Variants in AGBL1 observed in about 807,000 individuals in gnomAD.
AGBL1 encodes the protein AGBL carboxypeptidase 1.
Under a neutral mutation model 118.9 loss-of-function variants are expected in AGBL1, and 130 were observed. The ratio of observed to expected loss-of-function variants is 1.09; its 90% CI spans 0.95 to 1.26. The LOEUF is 1.26. Ranked by LOEUF, AGBL1 falls within the 50% of genes most tolerant of loss-of-function variation. AGBL1 has a pLI of 0.00. For missense variants in AGBL1, 1,584 were observed against 1,298.1 expected (o/e 1.22, Z -3.38); for synonymous variants, 555 against 478.9 (o/e 1.16, Z -2.08).
intron 18 of AGBL1, among the ~76,000 whole-genome samples, chr15:86,446,415 A>G (rs1372210390): frequency 1.3e-5 from 2 of 152,224 alleles, no homozygotes; most frequent in Non-Finnish European, 2.9e-5. Context: ...TGGCATAGCA[A>G]GCTGTATTAG....
chr15:86,727,039 T>G (rs2086831171), intron 22 of AGBL1, among the ~76,000 whole-genome samples: 1 of 152,078 alleles, frequency 6.6e-6, no homozygotes, highest in African/African-American at 2.4e-5. Context: ...GCAGAACACG[T>G]TTAAACTCCC....
chr15:86,517,108 T>C (rs1031535447), intron 18 of AGBL1, among the ~76,000 whole-genome samples: 13 of 152,210 alleles, frequency 8.5e-5, no homozygotes, highest in East Asian at 7.7e-4. Context: ...TGGGCAAGTA[T>C]GTAAGTGGGA....
At chr15:86,247,956 C>T in intron 7 of AGBL1, 77 bp downstream of exon 7, 1 of 1,527,038 alleles carries the variant, frequency 6.5e-7, no homozygotes, top group Non-Finnish European at 9.0e-7. Flanking sequence ...AGGAATCATC[C>T]CAGATAGAGC....
chr15:86,891,669 G>C (rs1424682705), intron 22 of AGBL1, among the ~76,000 whole-genome samples: 1 of 151,860 alleles, frequency 6.6e-6, no homozygotes, highest in Non-Finnish European at 1.5e-5. Flanking sequence ...CATTGGTAAA[G>C]TGAAAAACTG....
At chr15:86,754,899 C>G (rs535733957) in intron 22 of AGBL1, among the ~76,000 whole-genome samples, 1 of 152,200 alleles carries the variant, frequency 6.6e-6, no homozygotes, top group South Asian at 2.1e-4. Flanking sequence ...CCCCTTATCC[C>G]TTCTCTCTCA....
chr15:86,816,057 G>A (rs1331474460), intron 22 of AGBL1, among the ~76,000 whole-genome samples: 1 of 152,174 alleles, frequency 6.6e-6, no homozygotes, highest in Non-Finnish European at 1.5e-5. Flanking sequence ...TAAGGACACA[G>A]TAAGAAGATA....
chr15:86,763,172 A>G (rs766576018), intron 22 of AGBL1, among the ~76,000 whole-genome samples: 4 of 152,044 alleles, frequency 2.6e-5, no homozygotes, highest in Non-Finnish European at 5.9e-5. Context: ...AACAACAACA[A>G]AAACTATAAC....
intron 18 of AGBL1, among the ~76,000 whole-genome samples, chr15:86,490,718 T>C (rs900201208): frequency 6.6e-6 from 1 of 152,104 alleles, no homozygotes; most frequent in Non-Finnish European, 1.5e-5. Flanking sequence ...AGTGACTTCA[T>C]GATTAAAGTG....
intron 17 of AGBL1, among the ~76,000 whole-genome samples, chr15:86,342,663 G>A (rs898440953): frequency 3.9e-5 from 6 of 152,096 alleles, no homozygotes; most frequent in African/African-American, 4.8e-5. Context: ...TTAGATCTCC[G>A]ATCTGCCCCA....
intron 22 of AGBL1, among the ~76,000 whole-genome samples, chr15:86,755,681 C>T (rs142056010): frequency 1.5e-3 from 234 of 152,222 alleles, no homozygotes; most frequent in African/African-American, 5.4e-3. Flanking sequence ...TGCCTCTGTT[C>T]CTTCATGTAC....
intron 22 of AGBL1, among the ~76,000 whole-genome samples, chr15:86,886,299 A>C (rs2079970127): frequency 6.6e-6 from 1 of 152,368 alleles, no homozygotes; most frequent in Middle Eastern, 3.4e-3. Flanking sequence ...TTGAAGTTAT[A>C]GCAAGTTATT....
At chr15:86,292,655 A>G (rs1370724600) in intron 16 of AGBL1, among the ~76,000 whole-genome samples, 1 of 152,128 alleles carries the variant, frequency 6.6e-6, no homozygotes, top group Non-Finnish European at 1.5e-5. Context: ...GCCTGGCTTA[A>G]AGGCAGATAT....
At chr15:86,673,074 A>G (rs1175531176) in intron 21 of AGBL1, among the ~76,000 whole-genome samples, 2 of 152,196 alleles carry the variant, frequency 1.3e-5, no homozygotes, top group East Asian at 1.9e-4. Flanking sequence ...GTGAAAATCT[A>G]TTCATAAAAA....
chr15:86,470,313 A>G (rs141509811), intron 18 of AGBL1, among the ~76,000 whole-genome samples: 16 of 152,234 alleles, frequency 1.1e-4, no homozygotes, highest in Middle Eastern at 3.4e-3. Context: ...TTCAAAATCA[A>G]TTACTGAAGA....
chr15:86,566,750 C>G (rs2083922534), intron 21 of AGBL1, among the ~76,000 whole-genome samples: 1 of 152,134 alleles, frequency 6.6e-6, no homozygotes, highest in Non-Finnish European at 1.5e-5. Context: ...CTCCAACACA[C>G]AAGTATATGT....
intron 3 of AGBL1, among the ~76,000 whole-genome samples, chr15:86,144,093 T>C (rs1364548673): frequency 6.6e-6 from 1 of 151,996 alleles, no homozygotes; most frequent in African/African-American, 2.4e-5. Context: ...GGGGCATGGA[T>C]AATATGGGGG....
chr15:86,683,077 G>A (rs577453666), intron 22 of AGBL1, among the ~76,000 whole-genome samples: 2 of 152,268 alleles, frequency 1.3e-5, no homozygotes, highest in East Asian at 1.9e-4. Context: ...GAAAAGCAAA[G>A]CAGAGTAATT....
At chr15:86,270,503 C>CGGT (rs749260834) in intron 14 of AGBL1, among the ~76,000 whole-genome samples, 1 of 152,014 alleles carries the variant, frequency 6.6e-6, no homozygotes, top group East Asian at 1.9e-4. Context: ...TACCCGTGGC[C>CGGT]ATTTTGGAGG....
chr15:86,724,312 G>T (rs369416287), intron 22 of AGBL1, among the ~76,000 whole-genome samples: 1 of 150,746 alleles, frequency 6.6e-6, no homozygotes, highest in East Asian at 2.0e-4. Flanking sequence ...CAAGAACATC[G>T]GCAATAAGGA....
Sources: allele counts gnomAD v4.1 joint callset (sites outside exome capture counted in the v4.1 genomes callset), GRCh38; gene constraint gnomAD v4.1.1; transcripts MANE v1.5; gene names NCBI Gene and HGNC (gene_info 2026-07-23, HGNC 2026-07-21).